Variants in GABRG2 observed in about 807,000 individuals in gnomAD.
GABRG2 encodes gamma-aminobutyric acid type A receptor subunit gamma2, also known as gamma-aminobutyric acid receptor subunit gamma-2.
Under a neutral mutation model 56.4 loss-of-function variants are expected in GABRG2, and 16 were observed. The ratio of observed to expected loss-of-function variants is 0.28; its 90% CI spans 0.19 to 0.43. The LOEUF is 0.43. Ranked by LOEUF, GABRG2 falls within the 20% of genes least tolerant of loss-of-function variation. The probability of loss-of-function intolerance (pLI) is 1.00; values close to 1 mark genes in which losing one functional copy is unlikely to be tolerated. For synonymous variants in GABRG2, 208 were observed against 205.5 expected (o/e 1.01, Z -0.10); for missense variants, 327 against 582.7 (o/e 0.56, Z 4.52).
chr5:162,098,723 C>T (rs1761183407), intron 4 of GABRG2: 1 of 152,030 alleles, frequency 6.6e-6, no homozygotes, highest in African/African-American at 2.4e-5. Flanking sequence ...GTGTTAGAAG[C>T]TTTGTTTGCA....
At chr5:162,081,975 C>A (rs1314717140) in intron 1 of GABRG2, among the ~76,000 whole-genome samples, 2 of 151,878 alleles carry the variant, frequency 1.3e-5, no homozygotes, top group African/African-American at 4.8e-5. Context: ...CAGTGACTAT[C>A]CAGCTAAGTT....
At chr5:162,076,168 A>C (rs1759089929) in intron 1 of GABRG2, among the ~76,000 whole-genome samples, 1 of 152,046 alleles carries the variant, frequency 6.6e-6, no homozygotes, top group Admixed American at 6.6e-5. Flanking sequence ...AAAGGAAGAT[A>C]ATAATTTTTC....
At chr5:162,140,497 C>A (rs1007935259) in intron 6 of GABRG2, among the ~76,000 whole-genome samples, 7 of 152,080 alleles carry the variant, frequency 4.6e-5, no homozygotes, top group Admixed American at 6.5e-5. Context: ...AATAACTCAC[C>A]CCGCTAATTC....
At chr5:162,113,807 G>A (rs1762420794) in intron 6 of GABRG2, among the ~76,000 whole-genome samples, 1 of 152,154 alleles carries the variant, frequency 6.6e-6, no homozygotes. Flanking sequence ...ATGCAATCAT[G>A]GACACCAATT....
chr5:162,088,651 G>A (rs569213562), intron 1 of GABRG2, among the ~76,000 whole-genome samples: 2 of 152,136 alleles, frequency 1.3e-5, no homozygotes, highest in East Asian at 3.9e-4. Context: ...TATTTTGGAT[G>A]ATCTTATTGT....
At chr5:162,120,973 TC>T (rs1762943710) in intron 6 of GABRG2, among the ~76,000 whole-genome samples, 1 of 152,152 alleles carries the variant, frequency 6.6e-6, no homozygotes, top group Admixed American at 6.6e-5. Context: ...AAAGACTGTA[TC>T]AAGGGATATC....
chr5:162,096,712 G>T (rs963995366), intron 3 of GABRG2, among the ~76,000 whole-genome samples: 14 of 151,678 alleles, frequency 9.2e-5, no homozygotes, highest in African/African-American at 3.4e-4. Context: ...AAAGACTCAG[G>T]CCTAATGGTC....
chr5:162,103,833 G>A, intron 5 of GABRG2, 56 bp from the exon 6 acceptor site: 1 of 1,589,262 alleles, frequency 6.3e-7, no homozygotes, highest in Non-Finnish European at 8.6e-7. Flanking sequence ...GAAGATGGTT[G>A]CTACATATGC....
At chr5:162,080,735 A>G (rs1286231791) in intron 1 of GABRG2, among the ~76,000 whole-genome samples, 1 of 152,116 alleles carries the variant, frequency 6.6e-6, no homozygotes, top group African/African-American at 2.4e-5. Context: ...TTGCTTGGCA[A>G]TTAACTCAAG....
Position 162,153,523 on chromosome 5 carries a change from T to G in GABRG2, c.*155T>G. The G allele has an allele frequency of 1.1e-6, 1 of 937,194 alleles. No individual in the cohort carries two copies. The highest frequency in any genetic ancestry group is 1.7e-6 in the Non-Finnish European group (1 of 595,428). 58.1% of individuals were successfully genotyped at this position (937,194 alleles called of 1,614,324 possible). A position where few individuals can be genotyped will look rare whatever the true frequency, so the allele number is the denominator to read the frequency against. ...GTAAATTTTATAATGTCATATTGTT[T>G]GTGCCCAGCCCTCCTTTGGTTAGTG... On this transcript the variant is annotated 3_prime_UTR_variant, in exon 10 of 10. Coordinates refer to ENST00000639213, the MANE Select transcript of GABRG2 (RefSeq NM_198904.4).
intron 6 of GABRG2, among the ~76,000 whole-genome samples, chr5:162,133,388 T>G (rs763790498): frequency 9.2e-5 from 14 of 152,108 alleles, no homozygotes; most frequent in Non-Finnish European, 1.5e-4. Flanking sequence ...TGTACCTTAT[T>G]ATCATGATTG....
intron 1 of GABRG2, among the ~76,000 whole-genome samples, chr5:162,083,847 G>A (rs969023122): frequency 2.6e-5 from 4 of 151,722 alleles, no homozygotes; most frequent in Non-Finnish European, 5.9e-5. Context: ...CAAGTTCAAC[G>A]TTTTTTGCCA....
chr5:162,142,380 G>T, intron 7 of GABRG2, 64 bp downstream of exon 7: 1 of 1,521,698 alleles, frequency 6.6e-7, no homozygotes, highest in Middle Eastern at 1.7e-4. Flanking sequence ...TAATTTTTAT[G>T]TCCATTTCTA....
At chr5:162,126,924 A>G (rs1014907823) in intron 6 of GABRG2, among the ~76,000 whole-genome samples, 1 of 151,994 alleles carries the variant, frequency 6.6e-6, no homozygotes, top group Non-Finnish European at 1.5e-5. Flanking sequence ...GATGATCAAC[A>G]AACTCTGGTT....
At chr5:162,071,380 G>A (rs1758660046) in intron 1 of GABRG2, among the ~76,000 whole-genome samples, 1 of 151,528 alleles carries the variant, frequency 6.6e-6, no homozygotes, top group African/African-American at 2.4e-5. Context: ...ACAAGATTTT[G>A]TAATATACTT....
chr5:162,082,440 G>C (rs1287001548), intron 1 of GABRG2, among the ~76,000 whole-genome samples: 1 of 151,614 alleles, frequency 6.6e-6, no homozygotes, highest in South Asian at 2.1e-4. Context: ...CCTTTTTGAC[G>C]TAACACATGC....
chr5:162,143,780 T>G (rs1764755720), intron 7 of GABRG2, among the ~76,000 whole-genome samples: 1 of 152,160 alleles, frequency 6.6e-6, no homozygotes, highest in Non-Finnish European at 1.5e-5. Flanking sequence ...TCTACTAGGG[T>G]TAAAGTATTC....
At chr5:162,073,958 T>C (rs1337302642) in intron 1 of GABRG2, among the ~76,000 whole-genome samples, 3 of 151,932 alleles carry the variant, frequency 2.0e-5, no homozygotes, top group African/African-American at 7.2e-5. Context: ...CATAGCGCAA[T>C]ACATCACATT....
intron 6 of GABRG2, among the ~76,000 whole-genome samples, chr5:162,126,442 G>A (rs1311434429): frequency 1.3e-5 from 2 of 151,940 alleles, no homozygotes; most frequent in Non-Finnish European, 2.9e-5. Context: ...TCTATTGTGG[G>A]GGGATGGAAT....
Sources: gnomAD v4.1 joint callset for allele counts (sites outside exome capture counted in the v4.1 genomes callset) on GRCh38, gnomAD v4.1.1 for gene constraint, MANE v1.5 for transcripts, NCBI Gene and HGNC (gene_info 2026-07-23, HGNC 2026-07-21) for gene names.